GPAT4: variants seen among roughly 807,000 people sequenced by gnomAD.
GPAT4 encodes the protein 1-AGP acyltransferase 6.
A neutral mutation model predicts 58.0 loss-of-function variants in GPAT4; 17 were observed. The observed-to-expected ratio is 0.29, with a 90% CI of 0.20 to 0.44. The LOEUF (loss-of-function observed/expected upper bound fraction) is 0.44, where lower values mean the gene tolerates loss of function less well. GPAT4 is among the 20% of genes least tolerant of loss of function. The probability of loss-of-function intolerance (pLI) is 1.00; values close to 1 mark genes in which losing one functional copy is unlikely to be tolerated. For synonymous variants in GPAT4, 204 were observed against 210.1 expected, an observed-to-expected ratio of 0.97 and a Z score of 0.25; for missense variants, 377 against 574.5, an observed-to-expected ratio of 0.66 and a Z score of 3.51.
chr8:41,579,370 C>T (rs926079844), intron 1 of GPAT4, among the ~76,000 whole-genome samples: 2 of 152,110 alleles, frequency 1.3e-5, no homozygotes, highest in African/African-American at 4.8e-5. Flanking sequence ...GAACTTGATG[C>T]AAGATGAGTC....
chr8:41,591,578 T>G (rs1317691547), intron 1 of GPAT4, among the ~76,000 whole-genome samples: 3 of 152,220 alleles, frequency 2.0e-5, no homozygotes, highest in Non-Finnish European at 2.9e-5. Flanking sequence ...AAGGTAATGA[T>G]GAAGCTTTTT....
At chr8:41,612,020 G>A in intron 6 of GPAT4, 28 bp downstream of exon 6, 1 of 1,612,526 alleles carries the variant, frequency 6.2e-7, no homozygotes, top group Non-Finnish European at 8.5e-7. Flanking sequence ...TGATAGGAAG[G>A]GAGATGGCGC....
chr8:41,597,823 C>T (rs950704654), intron 1 of GPAT4, among the ~76,000 whole-genome samples: 3 of 151,604 alleles, frequency 2.0e-5, no homozygotes, highest in African/African-American at 7.2e-5. Flanking sequence ...AAGAATAATA[C>T]GTCCTTGTTG....
At chr8:41,578,469 C>A (rs1802421971) in intron 1 of GPAT4, 191 bp downstream of exon 1, 2 of 151,796 alleles carry the variant, frequency 1.3e-5, no homozygotes, top group African/African-American at 4.8e-5. Context: ...CGGGTGCCCC[C>A]CGTCCGGGAT....
intron 12 of GPAT4, chr8:41,619,266 C>G (rs887495501): frequency 4.3e-5 from 20 of 465,638 alleles, no homozygotes; most frequent in Non-Finnish European, 7.0e-5. Flanking sequence ...TGGGCATGAC[C>G]TGCTACTGAT....
Position 41,612,237 on chromosome 8 carries a change from T to C in GPAT4, c.759T>C (p.Asp253=), listed in dbSNP as rs777092522. 3 of 1,614,246 alleles carry C rather than the reference T, an allele frequency of 1.9e-6. No individual in the cohort carries two copies. The highest frequency in any genetic ancestry group is 2.5e-6 in the Non-Finnish European group (3 of 1,180,048). The change falls in exon 7 of 13, where the codon GAT becomes GAC. Residue 253 remains aspartate, a synonymous_variant. Coordinates refer to ENST00000396987, the MANE Select transcript of GPAT4 (RefSeq NM_178819.4). ...ICVANHTSPI[D]VIILASDGYY... is the part of the protein sequence containing the mutation. Reference sequence around the variant, plus strand: ...TGGCCAATCATACCTCACCGATCGATGTGATCATCTTGGCCAGCGATGGCT... The same window carrying C: ...TGGCCAATCATACCTCACCGATCGACGTGATCATCTTGGCCAGCGATGGCT...
chr8:41,620,044 C>T (rs1308636409), intron 12 of GPAT4, among the ~76,000 whole-genome samples: 2 of 152,242 alleles, frequency 1.3e-5, no homozygotes, highest in African/African-American at 4.8e-5. Flanking sequence ...ACCCACATCT[C>T]ACAGACTTTT....
In GPAT4 at chr8:41,605,189, G is replaced by A. The variant is rs146206911; in HGVS notation, c.166-4227G>A. 8.3e-4 allele frequency among the ~76,000 whole-genome samples: 126 copies of A among 152,336 alleles called. 2 individuals are homozygous for A. Among genetic ancestry groups the A allele is most frequent in the African/African-American group, 2.6e-3 (110 of 41,578 alleles). On this transcript the variant is annotated intron_variant, in intron 2 of 12. Transcript: ENST00000396987. Reference sequence around the variant, plus strand: ...GCACTCTCTCAGACTGTGCTGAAATGCACATAGGGGTAAGTTCTGGCTGCC... The same window carrying A: ...GCACTCTCTCAGACTGTGCTGAAATACACATAGGGGTAAGTTCTGGCTGCC...
In GPAT4 at chr8:41,612,283, C is replaced by T; in HGVS notation, c.795+10C>T. ...TGGCTATTATGCCATGGTAAGAGCTCTTTCCGGTGCGTTCTTGAGGCAAGA... is the reference window on the plus strand; with the variant it reads ...TGGCTATTATGCCATGGTAAGAGCTTTTTCCGGTGCGTTCTTGAGGCAAGA... On this transcript the variant is annotated intron_variant, in intron 7 of 12. Coordinates refer to ENST00000396987, the MANE Select transcript of GPAT4 (RefSeq NM_178819.4). 6.2e-7 allele frequency: 1 copy of T among 1,614,014 alleles called. No homozygotes were observed. The highest frequency in any genetic ancestry group is 8.5e-7 in the Non-Finnish European group (1 of 1,179,844).
At chr8:41,582,782 G>A (rs1038131222) in intron 1 of GPAT4, among the ~76,000 whole-genome samples, 8 of 151,898 alleles carry the variant, frequency 5.3e-5, no homozygotes, top group Non-Finnish European at 8.8e-5. Context: ...GTAATTTTAC[G>A]TATTTATAGT....
chr8:41,599,654 C>A (rs1304192943), intron 2 of GPAT4, among the ~76,000 whole-genome samples: 1 of 152,232 alleles, frequency 6.6e-6, no homozygotes, highest in East Asian at 1.9e-4. Context: ...CACTGAGAAG[C>A]ATGGGAGAGC....
chr8:41,624,677 C>G lies in GPAT4; in HGVS notation c.*3676C>G, dbSNP rs1463713535. On this transcript the variant is annotated 3_prime_UTR_variant, in exon 13 of 13. Transcript: ENST00000396987. The stretch of plus-strand genomic sequence containing the variant: ...TCTTCTACAGCACGCACACCCCACT[C>G]TCTCCCCCAGTCAATATGTCTCTCT... 1.3e-5 allele frequency: 2 copies of G among 152,262 alleles called. No individual in the cohort carries two copies. The highest frequency in any genetic ancestry group is 2.4e-5 in the African/African-American group (1 of 41,452). 9.4% of individuals were successfully genotyped at this position (152,262 alleles called of 1,614,324 possible).
intron 1 of GPAT4, among the ~76,000 whole-genome samples, chr8:41,590,320 C>G (rs1364738995): frequency 6.6e-6 from 1 of 152,220 alleles, no homozygotes; most frequent in African/African-American, 2.4e-5. Flanking sequence ...CTCCTGACCT[C>G]AGGTGATCCA....
chr8:41,587,916 C>G (rs1221823041), intron 1 of GPAT4, among the ~76,000 whole-genome samples: 1 of 152,200 alleles, frequency 6.6e-6, no homozygotes, highest in Non-Finnish European at 1.5e-5. Flanking sequence ...CCATTCTCAC[C>G]AGTGCAGTGG....
chr8:41,588,211 T>G (rs933866450), intron 1 of GPAT4, among the ~76,000 whole-genome samples: 1 of 152,242 alleles, frequency 6.6e-6, no homozygotes, highest in Non-Finnish European at 1.5e-5. Flanking sequence ...TAAAAATACG[T>G]GCATTCTTTT....
intron 11 of GPAT4, 23 bp from the exon 12 acceptor site, chr8:41,618,875 G>A: frequency 6.2e-7 from 1 of 1,614,228 alleles, no homozygotes. Flanking sequence ...GGGCTGAGTG[G>A]TCTCATTTGT....
chr8:41,586,491 T>G (rs1176504212), intron 1 of GPAT4, among the ~76,000 whole-genome samples: 1 of 152,220 alleles, frequency 6.6e-6, no homozygotes. Context: ...CTGCACTGTC[T>G]TACATTCCCA....
intron 2 of GPAT4, among the ~76,000 whole-genome samples, chr8:41,600,036 C>CTTTTTTTTTTTTTTTTTTTTTTTTT (rs758905649): frequency 3.0e-5 from 3 of 100,332 alleles, no homozygotes; most frequent in African/African-American, 8.0e-5. Flanking sequence ...TTTTTCTTTT[C>CTTTTTTTTTTTTTTTTTTTTTTTTT]TTTTTTTTTT....
chr8:41,584,831 T>C (rs1025646710), intron 1 of GPAT4: 3 of 152,192 alleles, frequency 2.0e-5, no homozygotes, highest in East Asian at 3.9e-4. Context: ...GTGTTACTTA[T>C]CCAGTTCTAA....
Sources: gnomAD v4.1 joint callset for allele counts (sites outside exome capture counted in the v4.1 genomes callset) on GRCh38, gnomAD v4.1.1 for gene constraint, MANE v1.5 for transcripts, NCBI Gene and HGNC (gene_info 2026-07-23, HGNC 2026-07-21) for gene names.